The following SLC12A4 variants were observed in gnomAD, a reference collection of about 807,000 sequenced individuals.
The protein encoded by SLC12A4 is electroneutral potassium-chloride cotransporter 1.
In SLC12A4, 84 loss-of-function variants were observed where a neutral mutation model predicts 119.2. The observed-to-expected ratio is 0.70, with a 90% CI of 0.59 to 0.85. The LOEUF (loss-of-function observed/expected upper bound fraction) is 0.85, where lower values mean the gene tolerates loss of function less well. Ranked by LOEUF, SLC12A4 falls within the 40% of genes least tolerant of loss-of-function variation. The probability of loss-of-function intolerance (pLI) is 0.00; values close to 1 mark genes in which losing one functional copy is unlikely to be tolerated. For synonymous variants in SLC12A4, 599 were observed against 604.6 expected, an observed-to-expected ratio of 0.99 and a Z score of 0.14; for missense variants, 1,298 against 1,476.3, an observed-to-expected ratio of 0.88 and a Z score of 1.98.
chr16:67,965,867 G>A (rs2030845180), intron 1 of SLC12A4, among the ~76,000 whole-genome samples: 1 of 152,316 alleles, frequency 6.6e-6, no homozygotes, highest in African/African-American at 2.4e-5. Flanking sequence ...GCTCAAAGAT[G>A]TTCAGAGGCA....
intron 3 of SLC12A4, among the ~76,000 whole-genome samples, chr16:67,960,444 G>A (rs995995457): frequency 2.6e-5 from 4 of 152,070 alleles, no homozygotes; most frequent in African/African-American, 7.2e-5. Flanking sequence ...GTGTGGGCTG[G>A]TTTGCCTCCC....
At chr16:67,959,230 G>A (rs2030436721) in intron 3 of SLC12A4, among the ~76,000 whole-genome samples, 1 of 152,188 alleles carries the variant, frequency 6.6e-6, no homozygotes, top group African/African-American at 2.4e-5. Flanking sequence ...GAGCACAGAG[G>A]CTGGCTGACA....
chr16:67,949,849 G>A lies in SLC12A4; in HGVS notation c.1699C>T (p.Leu567=). 1 of 1,610,424 alleles carries A rather than the reference G, an allele frequency of 6.2e-7. No individual in the cohort carries two copies. The highest frequency in any genetic ancestry group is 1.1e-5 in the South Asian group (1 of 90,802). The change falls in exon 13 of 24, where the codon CTG becomes TTG. Residue 567 remains leucine (L), a synonymous_variant. Transcript: ENST00000316341. This position sits in a 1 kb window ranked among gnomAD's most constrained non-coding sequence, Gnocchi z 4.6. ...TCGAGGGAGGCGATGAGGATGCCCA[G>A]CTCGGCGATGAGTGCCGTCAGGAGG... ...ALLLTALIAE[L]GILIASLDMV...
Position 67,950,762 on chromosome 16 carries a change from A to G in SLC12A4, c.1397-51T>C. 2 of 1,573,280 alleles carry G rather than the reference A, an allele frequency of 1.3e-6. No homozygotes were observed. Among genetic ancestry groups the G allele is most frequent in the South Asian group, 2.3e-5 (2 of 86,536 alleles). ...GCCTCTGCCACCCCACTGTCCCTGA[A>G]TAGTACCACGTGCCCCCACCCCAGC... On this transcript the variant is annotated intron_variant, in intron 10 of 23. Transcript: ENST00000316341. The surrounding 1 kb of genome is among the most constrained non-coding windows in gnomAD (Gnocchi z 4.3).
In SLC12A4 at chr16:67,946,451, C is replaced by G; in HGVS notation, c.2424G>C (p.Trp808Cys). ...GWRQSEDPRA[W>C]KTFIDTVRCT... is the part of the protein sequence containing the mutation. ...GCCTTCACACACCAATGAAGGTCTT[C>G]CAGGCACGGGGGTCCTCGCTCTGTC... Residue 808 changes from tryptophan (W) to cysteine (C), a missense_variant, in exon 18 of 24, where the codon TGG becomes TGC. Physicochemically the swap from Trp to Cys is radical, Grantham distance 215. Coordinates refer to ENST00000316341, the MANE Select transcript of SLC12A4 (RefSeq NM_005072.5). The G allele has an allele frequency of 6.2e-7, 1 of 1,605,804 alleles. No homozygotes were observed. Among genetic ancestry groups the G allele is most frequent in the Non-Finnish European group, 8.5e-7 (1 of 1,179,868 alleles).
At chr16:67,952,766 G>T (rs932846243) in intron 6 of SLC12A4, among the ~76,000 whole-genome samples, 10 of 149,654 alleles carry the variant, frequency 6.7e-5, no homozygotes, top group African/African-American at 2.2e-4. Flanking sequence ...TCCAGCCTGG[G>T]TGACAGAGGG....
rs1365745570 is a variant in SLC12A4, at chr16:67,943,906, C to T, written c.*934G>A. 1 of 1,506,318 alleles carries T rather than the reference C, an allele frequency of 6.6e-7. No individual in the cohort carries two copies. The highest frequency in any genetic ancestry group is 1.4e-5 in the African/African-American group (1 of 72,228). The allele number at this position is 1,506,318 out of a possible 1,614,324, so 93.3% of individuals were successfully genotyped here. A position where few individuals can be genotyped will look rare whatever the true frequency, so the allele number is the denominator to read the frequency against. On this transcript the variant is annotated 3_prime_UTR_variant, in exon 24 of 24. Transcript: ENST00000316341. The surrounding 1 kb of genome is among the most constrained non-coding windows in gnomAD (Gnocchi z 4.6). ...GCCAGGGGCTGGGGCCCAGGCTCCC[C>T]AGGGTCTGGCGTGGTGCATCAGGGG... is the stretch of plus-strand genomic sequence containing the variant.
chr16:67,948,185 A>C, intron 13 of SLC12A4, 26 bp from the exon 14 acceptor site: 3 of 1,608,652 alleles, frequency 1.9e-6, no homozygotes, highest in Non-Finnish European at 2.6e-6. Flanking sequence ...CGGTTGGCGA[A>C]GAGCAGCCTC....
chr16:67,950,809 G>T lies in SLC12A4; in HGVS notation c.1397-98C>A. 1 of 1,488,854 alleles carries T rather than the reference G, an allele frequency of 6.7e-7. No homozygotes were observed. 92.2% of individuals were successfully genotyped at this position (1,488,854 alleles called of 1,614,324 possible). On this transcript the variant is annotated intron_variant, in intron 10 of 23. Transcript: ENST00000316341. The surrounding 1 kb of genome is among the most constrained non-coding windows in gnomAD (Gnocchi z 4.3). ...CAGCCAGACTACCAGGACACCTACA[G>T]CTGGGAGTCTCGTGGTGTGTATGTG... is the stretch of plus-strand genomic sequence containing the variant.
At position 67,943,498 on chromosome 16, in the gene SLC12A4, CAA is replaced by C. The variant is rs2058305561; in HGVS notation, c.*1340_*1341del. 1 of 532,698 alleles carries C rather than the reference CAA, an allele frequency of 1.9e-6. No homozygotes were observed. The highest frequency in any genetic ancestry group is 1.9e-5 in the African/African-American group (1 of 52,470). The allele number at this position is 532,698 out of a possible 1,614,324, so 33.0% of individuals were successfully genotyped here. ...ACCCAGTCTGGCGCTCCTTTATTGC[CAA>C]AGTCCAAGGTGGGAACAGATAGGTC... is the stretch of plus-strand genomic sequence containing the variant. On this transcript the variant is annotated 3_prime_UTR_variant, in exon 24 of 24. Coordinates refer to ENST00000316341, the MANE Select transcript of SLC12A4 (RefSeq NM_005072.5). The surrounding 1 kb of genome is among the most constrained non-coding windows in gnomAD (Gnocchi z 4.6).
At position 67,943,787 on chromosome 16, in the gene SLC12A4, C is replaced by T. The variant is rs2058309549; in HGVS notation, c.*1053G>A. ...GTGTGGTGGGAGAAGGGACGTCATT[C>T]CTCTAAGGGACAAGCTTTTGGCCCC... On this transcript the variant is annotated 3_prime_UTR_variant, in exon 24 of 24. Transcript: ENST00000316341. The surrounding 1 kb of genome is among the most constrained non-coding windows in gnomAD (Gnocchi z 4.6). 1.5e-6 allele frequency: 1 copy of T among 675,890 alleles called. No individual in the cohort carries two copies. Among genetic ancestry groups the T allele is most frequent in the Admixed American group, 3.0e-5 (1 of 32,942 alleles). The allele number at this position is 675,890 out of a possible 1,614,324, so 41.9% of individuals were successfully genotyped here.
In SLC12A4 at chr16:67,944,562, C is replaced by T. The variant is rs1361952594; in HGVS notation, c.*278G>A. 1.5e-6 allele frequency: 2 copies of T among 1,299,828 alleles called. No homozygotes were observed. The allele number at this position is 1,299,828 out of a possible 1,614,324, so 80.5% of individuals were successfully genotyped here. A position where few individuals can be genotyped will look rare whatever the true frequency, so the allele number is the denominator to read the frequency against. On this transcript the variant is annotated 3_prime_UTR_variant, in exon 24 of 24. Transcript: ENST00000316341. This position sits in a 1 kb window ranked among gnomAD's most constrained non-coding sequence, Gnocchi z 6.6. The stretch of plus-strand genomic sequence containing the variant: ...TGGGCCGGGCCGGCTGCCTTCAAAC[C>T]CCACTCGGCCCCTACCAGTCTTCTC...
At position 67,945,416 on chromosome 16, in the gene SLC12A4, G is replaced by A. The variant is rs759236895; in HGVS notation, c.2985C>T (p.Asp995=). ...TRDKYMTETW[D]PSHAPDNFRE... ...GGAAATTGTCAGGGGCATGGCTGGG[G>A]TCCCAGGTCTCAGTCATGTACTTGT... The change falls in exon 22 of 24, where the codon GAC becomes GAT. Residue 995 remains aspartate (D), a synonymous_variant. Transcript: ENST00000316341. 6.2e-7 allele frequency: 1 copy of A among 1,614,044 alleles called. No homozygotes were observed. Among genetic ancestry groups the A allele is most frequent in the South Asian group, 1.1e-5 (1 of 91,076 alleles).
Position 67,951,813 on chromosome 16 carries a change from G to A in SLC12A4, c.1132+10C>T. 1 of 1,607,458 alleles carries A rather than the reference G, an allele frequency of 6.2e-7. No individual in the cohort carries two copies. The highest frequency in any genetic ancestry group is 8.5e-7 in the Non-Finnish European group (1 of 1,177,106). ...GGCTCAAGAGCAAGACGACGGGAGG[G>A]AGGACCCACCCTGGAGCACACCAGC... On this transcript the variant is annotated intron_variant, in intron 8 of 23. Transcript: ENST00000316341. This position sits in a 1 kb window ranked among gnomAD's most constrained non-coding sequence, Gnocchi z 5.2.
chr16:67,947,761 G>A lies in SLC12A4; in HGVS notation c.1875C>T (p.Leu625=), dbSNP rs1441276387. 13 of 1,600,170 alleles carry A rather than the reference G, an allele frequency of 8.1e-6. No individual in the cohort carries two copies. The highest frequency in any genetic ancestry group is 5.4e-5 in the African/African-American group (4 of 74,588). Residue 625 remains leucine, a synonymous_variant, in exon 15 of 24, where the codon CTC becomes CTT. Coordinates refer to ENST00000316341, the MANE Select transcript of SLC12A4 (RefSeq NM_005072.5). ...HWALSFLGMS[L]CLALMFVSSW... Reference sequence around the variant, plus strand: ...AGGAGACAAACATAAGGGCCAGGCAGAGACTCATGCCCAGGAAGGACAGCG... The same window carrying A: ...AGGAGACAAACATAAGGGCCAGGCAAAGACTCATGCCCAGGAAGGACAGCG...
intron 13 of SLC12A4, among the ~76,000 whole-genome samples, chr16:67,948,412 G>A (rs1222706290): frequency 1.3e-5 from 2 of 152,244 alleles, no homozygotes; most frequent in African/African-American, 2.4e-5. Context: ...GAGTAACAGG[G>A]CAGAGCTGAA....
chr16:67,945,924 G>A (rs776070516), intron 20 of SLC12A4, 27 bp downstream of exon 20: 21 of 1,612,730 alleles, frequency 1.3e-5, no homozygotes, highest in African/African-American at 6.7e-5. Flanking sequence ...TGGTATCCAC[G>A]GGGCCAGGGC....
chr16:67,954,549 G>T, intron 6 of SLC12A4, 94 bp downstream of exon 6: 1 of 1,489,436 alleles, frequency 6.7e-7, no homozygotes, highest in African/African-American at 1.4e-5. Flanking sequence ...GCCTTGGCCA[G>T]ACATGTGGGG....
At position 67,951,905 on chromosome 16, in the gene SLC12A4, G is replaced by A. The variant is rs367647019; in HGVS notation, c.1050C>T (p.Thr350=). ...SFFCHSPNLT[T]DSCDPYFMLN... is the part of the protein sequence containing the mutation. ...GCATGAAGTAGGGGTCACAGGAGTCGGTCGTAAGGTTGGGGCTGTGGCAGA... is the reference window on the plus strand; with the variant it reads ...GCATGAAGTAGGGGTCACAGGAGTCAGTCGTAAGGTTGGGGCTGTGGCAGA... The change falls in exon 8 of 24, where the codon ACC becomes ACT. Residue 350 remains threonine, a synonymous_variant. Coordinates refer to ENST00000316341, the MANE Select transcript of SLC12A4 (RefSeq NM_005072.5). This position sits in a 1 kb window ranked among gnomAD's most constrained non-coding sequence, Gnocchi z 5.2. The A allele has an allele frequency of 1.9e-5, 30 of 1,613,826 alleles. No individual in the cohort carries two copies. The highest frequency in any genetic ancestry group is 1.6e-4 in the Middle Eastern group (1 of 6,084).
Sources: allele counts gnomAD v4.1 joint callset (sites outside exome capture counted in the v4.1 genomes callset), GRCh38; gene constraint gnomAD v4.1.1; non-coding constraint Gnocchi (gnomAD v3.1); transcripts MANE v1.5; gene names NCBI Gene and HGNC (gene_info 2026-07-23, HGNC 2026-07-21).